ADGRB3: variants seen among roughly 807,000 people sequenced by gnomAD.
ADGRB3 encodes the protein adhesion G protein-coupled receptor B3, also known as brain-specific angiogenesis inhibitor 3.
In ADGRB3, 37 loss-of-function variants were observed where a neutral mutation model predicts 193.4. The observed-to-expected ratio is 0.19, with a 90% CI of 0.15 to 0.25. ADGRB3 has a LOEUF of 0.25. ADGRB3 is among the 10% of genes least tolerant of loss of function. The pLI, the probability that ADGRB3 is intolerant of heterozygous loss-of-function variation, is 1.00. For missense variants in ADGRB3, 1,637 were observed against 1,852.9 expected (o/e 0.88, Z 2.14); for synonymous variants, 690 against 644.2 (o/e 1.07, Z -1.08).
At chr6:69,117,113 A>G (rs1215476850) in intron 17 of ADGRB3, among the ~76,000 whole-genome samples, 4 of 152,270 alleles carry the variant, frequency 2.6e-5, no homozygotes, top group Admixed American at 2.6e-4. Flanking sequence ...CTGTACTGCC[A>G]CAATCCATGT....
At chr6:68,985,687 G>A (rs913976105) in intron 10 of ADGRB3, among the ~76,000 whole-genome samples, 5 of 152,170 alleles carry the variant, frequency 3.3e-5, no homozygotes, top group Non-Finnish European at 7.3e-5. Context: ...CCCTGATGAT[G>A]TGGGTTGCAT....
At chr6:68,787,066 C>T (rs938651453) in intron 3 of ADGRB3, among the ~76,000 whole-genome samples, 4 of 152,046 alleles carry the variant, frequency 2.6e-5, no homozygotes, top group South Asian at 2.1e-4. Flanking sequence ...GAGATGATGG[C>T]GTTTTCTAGA....
At chr6:68,705,789 A>T in intron 3 of ADGRB3, among the ~76,000 whole-genome samples, 1 of 152,220 alleles carries the variant, frequency 6.6e-6, no homozygotes, top group East Asian at 1.9e-4. Flanking sequence ...ACTTCAGCAT[A>T]GTCCTGGAGT....
chr6:68,826,729 G>A (rs1209967097), intron 3 of ADGRB3, among the ~76,000 whole-genome samples: 1 of 152,198 alleles, frequency 6.6e-6, no homozygotes, highest in Non-Finnish European at 1.5e-5. Flanking sequence ...GAAGTGACAG[G>A]AAGTGGTCAG....
chr6:68,911,863 T>C (rs2150237709), intron 3 of ADGRB3, among the ~76,000 whole-genome samples: 1 of 151,752 alleles, frequency 6.6e-6, no homozygotes, highest in Middle Eastern at 3.4e-3. Flanking sequence ...TCAAACATCA[T>C]TTGGTAGTTG....
chr6:68,837,907 C>A (rs1478277892), intron 3 of ADGRB3, among the ~76,000 whole-genome samples: 1 of 152,164 alleles, frequency 6.6e-6, no homozygotes, highest in African/African-American at 2.4e-5. Context: ...CAAACATTAT[C>A]TCAAGCTGAG....
chr6:69,035,804 A>C (rs2150295719), intron 13 of ADGRB3, among the ~76,000 whole-genome samples: 1 of 152,288 alleles, frequency 6.6e-6, no homozygotes, highest in African/African-American at 2.4e-5. Flanking sequence ...TGAAACTGTA[A>C]GTACAATGAT....
chr6:69,043,107 A>G (rs1402097236), intron 13 of ADGRB3, among the ~76,000 whole-genome samples: 1 of 152,078 alleles, frequency 6.6e-6, no homozygotes, highest in Non-Finnish European at 1.5e-5. Flanking sequence ...TGATGCAGTG[A>G]TTCTCTCACT....
chr6:68,697,419 C>T (rs1378047822), intron 3 of ADGRB3, among the ~76,000 whole-genome samples: 1 of 151,768 alleles, frequency 6.6e-6, no homozygotes, highest in East Asian at 1.9e-4. Context: ...CATTTATATA[C>T]TTGTTCTTTT....
intron 17 of ADGRB3, among the ~76,000 whole-genome samples, chr6:69,195,350 T>C (rs1297579595): frequency 6.6e-6 from 1 of 151,764 alleles, no homozygotes; most frequent in Non-Finnish European, 1.5e-5. Context: ...GGCAACATAG[T>C]GGACCCTATT....
chr6:68,807,235 CTTTTTTT>C lies in ADGRB3; in HGVS notation c.758-123310_758-123304del, dbSNP rs771342538. Among the ~76,000 whole-genome samples the C allele has an allele frequency of 6.6e-4, 66 of 100,198 alleles. 1 individual carries two copies. The highest frequency in any genetic ancestry group is 2.7e-3 in the East Asian group (9 of 3,364). 65.7% of individuals were successfully genotyped at this position (100,198 alleles called of 152,430 possible). A position where few individuals can be genotyped will look rare whatever the true frequency, so the allele number is the denominator to read the frequency against. ...TTTTTCTTTTTCTTTTTTCTTTTTT[CTTTTTTT>C]TTTTTTTTTTTTTGAGACAGAGTCT... On this transcript the variant is annotated intron_variant, in intron 3 of 31. Coordinates refer to ENST00000370598, the MANE Select transcript of ADGRB3 (RefSeq NM_001704.3).
chr6:68,774,485 C>A (rs1220731834), intron 3 of ADGRB3, among the ~76,000 whole-genome samples: 1 of 150,736 alleles, frequency 6.6e-6, no homozygotes, highest in East Asian at 1.9e-4. Flanking sequence ...GCTTTAATAA[C>A]CCCCAAATGA....
At chr6:69,101,413 A>G (rs1271663229) in intron 17 of ADGRB3, among the ~76,000 whole-genome samples, 1 of 145,242 alleles carries the variant, frequency 6.9e-6, no homozygotes, top group African/African-American at 2.6e-5. Context: ...TTAAATGCAA[A>G]TATTAGATAC....
At chr6:68,974,921 G>T in intron 9 of ADGRB3, 57 bp downstream of exon 9, 1 of 1,433,210 alleles carries the variant, frequency 7.0e-7, no homozygotes, top group South Asian at 1.2e-5. Context: ...AGAACAGCAT[G>T]CAGTGTTGGT....
chr6:69,038,851 G>A (rs1770949721), intron 13 of ADGRB3, among the ~76,000 whole-genome samples: 3 of 152,134 alleles, frequency 2.0e-5, no homozygotes, highest in African/African-American at 7.2e-5. Context: ...TCCTTCTTAT[G>A]TAAGGTTTTG....
chr6:69,163,813 C>T (rs1396009708), intron 17 of ADGRB3, among the ~76,000 whole-genome samples: 1 of 152,146 alleles, frequency 6.6e-6, no homozygotes, highest in Non-Finnish European at 1.5e-5. Context: ...GAAAAACCCA[C>T]TGATTCTTTG....
At chr6:68,782,610 T>A (rs1222256793) in intron 3 of ADGRB3, among the ~76,000 whole-genome samples, 2 of 152,136 alleles carry the variant, frequency 1.3e-5, no homozygotes, top group African/African-American at 2.4e-5. Flanking sequence ...GTGTTCCTAT[T>A]TCTCCACATC....
At chr6:68,905,028 C>T (rs1030664371) in intron 3 of ADGRB3, among the ~76,000 whole-genome samples, 1 of 152,162 alleles carries the variant, frequency 6.6e-6, no homozygotes, top group Non-Finnish European at 1.5e-5. Context: ...AATATGGCCA[C>T]CGTGTGTGGA....
chr6:68,742,851 T>C (rs1365329087), intron 3 of ADGRB3, among the ~76,000 whole-genome samples: 1 of 152,004 alleles, frequency 6.6e-6, no homozygotes, highest in Non-Finnish European at 1.5e-5. Context: ...TTTTATATAG[T>C]GGGATACATG....
Sources: gnomAD v4.1 joint callset for allele counts (sites outside exome capture counted in the v4.1 genomes callset) on GRCh38, gnomAD v4.1.1 for gene constraint, MANE v1.5 for transcripts, NCBI Gene and HGNC (gene_info 2026-07-23, HGNC 2026-07-21) for gene names.